The following DCLK1 variants were observed in gnomAD, a reference collection of about 807,000 sequenced individuals.
DCLK1 encodes doublecortin like kinase 1.
Under a neutral mutation model 86.2 loss-of-function variants are expected in DCLK1, and 16 were observed. The observed-to-expected ratio is 0.19, with a 90% CI of 0.13 to 0.28. The LOEUF (loss-of-function observed/expected upper bound fraction) is 0.28, where lower values mean the gene tolerates loss of function less well. Among genes scored for constraint, DCLK1 ranks in the 10% least tolerant of loss-of-function variants. The pLI, the probability that DCLK1 is intolerant of heterozygous loss-of-function variation, is 1.00. For missense variants in DCLK1, 590 were observed against 940.2 expected (o/e 0.63, Z 4.87); for synonymous variants, 369 against 370.5 (o/e 1.00, Z 0.05).
intron 16 of DCLK1, 127 bp from the exon 17 acceptor site, chr13:35,774,826 CT>C: frequency 1.8e-6 from 2 of 1,089,216 alleles, no homozygotes; most frequent in Non-Finnish European, 2.6e-6. Context: ...TCATGGCACA[CT>C]TTTTGTTGAC....
rs1401913690 is a variant in DCLK1 at position 36,017,902 on chromosome 13, C to G, written c.724-70445G>C. ...ACACTGACCTCTGCCCAGCACCATC[C>G]TCCCGACTCATTAGAGCCATCTGTG... is the stretch of plus-strand genomic sequence containing the variant. On this transcript the variant is annotated intron_variant, in intron 3 of 16. Coordinates refer to ENST00000360631, the MANE Select transcript of DCLK1 (RefSeq NM_001330071.2). Among the ~76,000 whole-genome samples the G allele has an allele frequency of 3.3e-5, 5 of 152,306 alleles. No individual in the cohort carries two copies. In the East Asian group the frequency reaches 9.6e-4, roughly 29 times the overall value.
At chr13:36,004,724 C>T (rs1267175215) in intron 3 of DCLK1, among the ~76,000 whole-genome samples, 1 of 152,100 alleles carries the variant, frequency 6.6e-6, no homozygotes, top group African/African-American at 2.4e-5. Flanking sequence ...TACAGGAACA[C>T]ACCACCATGC....
In DCLK1 at chr13:36,102,551, C is replaced by G. The variant is rs191489026; in HGVS notation, c.723+9318G>C. Among the ~76,000 whole-genome samples the G allele has an allele frequency of 7.9e-5, 12 of 152,276 alleles. No homozygotes were observed. The East Asian group carries it at 2.1e-3, about 27-fold the overall frequency. On this transcript the variant is annotated intron_variant, in intron 3 of 16. Transcript: ENST00000360631. ...TCTAAGGCAAAGCAGAAGTGATTAT[C>G]CACAGAAAGAGAACTACCTTGTGTT...
At chr13:35,804,552 C>T (rs2086988782) in intron 15 of DCLK1, among the ~76,000 whole-genome samples, 1 of 152,028 alleles carries the variant, frequency 6.6e-6, no homozygotes, top group South Asian at 2.1e-4. Flanking sequence ...CGTGCCTCAG[C>T]CTCCTGAGTA....
chr13:36,004,022 AAAG>A (rs1171516226), intron 3 of DCLK1, among the ~76,000 whole-genome samples: 14 of 152,334 alleles, frequency 9.2e-5, no homozygotes, highest in African/African-American at 3.1e-4. Context: ...GTCACTCTGA[AAAG>A]AAGCAAAATA....
At chr13:36,045,332 GTATATATATATATATATATATATATA>G (rs1174545505) in intron 3 of DCLK1, among the ~76,000 whole-genome samples, 15 of 55,778 alleles carry the variant, frequency 2.7e-4, no homozygotes, top group Admixed American at 2.3e-3. Flanking sequence ...GTGTGTGTGT[GTATATATATATATATATATATATATA>G]TATATATATA....
chr13:35,995,801 G>A (rs949729616), intron 3 of DCLK1, among the ~76,000 whole-genome samples: 8 of 152,104 alleles, frequency 5.3e-5, no homozygotes, highest in African/African-American at 1.9e-4. Flanking sequence ...TTGTTTCCTG[G>A]CTGTTCTTAT....
intron 3 of DCLK1, among the ~76,000 whole-genome samples, chr13:35,973,489 T>C (rs746151246): frequency 3.6e-4 from 55 of 152,196 alleles, no homozygotes; most frequent in Admixed American, 5.9e-4. Context: ...TGGGCTCCTC[T>C]CTAACAAGGC....
At chr13:35,798,756 T>C (rs888464839) in intron 15 of DCLK1, among the ~76,000 whole-genome samples, 1 of 152,252 alleles carries the variant, frequency 6.6e-6, no homozygotes, top group Non-Finnish European at 1.5e-5. Context: ...TTATATATTA[T>C]TGCAGTGTCA....
chr13:35,994,070 T>C (rs1351979941), intron 3 of DCLK1, among the ~76,000 whole-genome samples: 1 of 150,544 alleles, frequency 6.6e-6, no homozygotes, highest in African/African-American at 2.5e-5. Flanking sequence ...TATGAGCCCT[T>C]TGAAAAAAAG....
intron 3 of DCLK1, among the ~76,000 whole-genome samples, chr13:35,967,315 A>G (rs546862129): frequency 6.6e-6 from 1 of 151,956 alleles, no homozygotes; most frequent in Non-Finnish European, 1.5e-5. Context: ...CCGCCACCCC[A>G]TCTGGGAGGT....
At chr13:35,933,968 T>A (rs1876614449) in intron 4 of DCLK1, among the ~76,000 whole-genome samples, 1 of 152,200 alleles carries the variant, frequency 6.6e-6, no homozygotes, top group Non-Finnish European at 1.5e-5. Flanking sequence ...TTTAAGTGCT[T>A]TTAACAGCCC....
intron 3 of DCLK1, among the ~76,000 whole-genome samples, chr13:36,054,850 TGTTACACAACTA>T (rs905844982): frequency 1.3e-5 from 2 of 152,166 alleles, no homozygotes; most frequent in African/African-American, 4.8e-5. Context: ...GCTGGGGACT[TGTTACACAACTA>T]GTTACACAAC....
intron 3 of DCLK1, among the ~76,000 whole-genome samples, chr13:35,969,268 T>C (rs966682672): frequency 6.6e-6 from 1 of 152,084 alleles, no homozygotes; most frequent in African/African-American, 2.4e-5. Flanking sequence ...GTGACCTTAT[T>C]TGGAAAAAGT....
intron 3 of DCLK1, among the ~76,000 whole-genome samples, chr13:35,980,388 G>T (rs1382001055): frequency 1.3e-5 from 2 of 152,124 alleles, no homozygotes; most frequent in African/African-American, 4.8e-5. Flanking sequence ...CCAGGAGGTG[G>T]GGGTTGCAGT....
chr13:35,900,405 T>C (rs946288109), intron 4 of DCLK1, among the ~76,000 whole-genome samples: 1 of 152,064 alleles, frequency 6.6e-6, no homozygotes, highest in African/African-American at 2.4e-5. Context: ...CACACCCAGC[T>C]AATTTTTTGT....
chr13:35,854,687 A>C, intron 5 of DCLK1, 94 bp from the exon 6 acceptor site: 1 of 1,104,768 alleles, frequency 9.1e-7, no homozygotes, highest in Non-Finnish European at 1.2e-6. Context: ...AATTATATAG[A>C]GAGCCATCTA....
chr13:35,978,896 A>G (rs144624138), intron 3 of DCLK1, among the ~76,000 whole-genome samples: 1 of 152,206 alleles, frequency 6.6e-6, no homozygotes, highest in Non-Finnish European at 1.5e-5. Context: ...TCCCAAACAG[A>G]ATACACACCT....
At chr13:36,052,953 A>T (rs1359755293) in intron 3 of DCLK1, among the ~76,000 whole-genome samples, 1 of 152,150 alleles carries the variant, frequency 6.6e-6, no homozygotes, top group Non-Finnish European at 1.5e-5. Context: ...AGCTTCTTTG[A>T]GGATGGGGTG....
Sources: allele counts gnomAD v4.1 joint callset (sites outside exome capture counted in the v4.1 genomes callset), GRCh38; gene constraint gnomAD v4.1.1; transcripts MANE v1.5; gene names NCBI Gene and HGNC (gene_info 2026-07-23, HGNC 2026-07-21).